Variants in CTNNA3 observed in about 807,000 individuals in gnomAD.
The protein encoded by CTNNA3 is catenin alpha 3.
In CTNNA3, 76 loss-of-function variants were observed where a neutral mutation model predicts 95.7. The ratio of observed to expected loss-of-function variants is 0.79; its 90% CI spans 0.66 to 0.96. The LOEUF (loss-of-function observed/expected upper bound fraction) is 0.96, where lower values mean the gene tolerates loss of function less well. CTNNA3 is among the 40% of genes least tolerant of loss of function. The pLI is 0.00. For synonymous variants in CTNNA3, 431 were observed against 374.4 expected, an observed-to-expected ratio of 1.15 and a Z score of -1.74; for missense variants, 1,191 against 1,089.8, an observed-to-expected ratio of 1.09 and a Z score of -1.31.
chr10:67,376,830 G>A (rs972570384), intron 5 of CTNNA3, among the ~76,000 whole-genome samples: 19 of 152,158 alleles, frequency 1.2e-4, no homozygotes, highest in Admixed American at 4.6e-4. Context: ...AATCTCAATT[G>A]CTGCAGGAAA....
At chr10:66,018,814 A>G (rs1024139616) in intron 15 of CTNNA3, among the ~76,000 whole-genome samples, 1 of 152,144 alleles carries the variant, frequency 6.6e-6, no homozygotes, top group Admixed American at 6.6e-5. Context: ...TTCTTTTTCA[A>G]TAAATGATTC....
chr10:65,928,314 T>C (rs1356850219), intron 17 of CTNNA3, among the ~76,000 whole-genome samples: 1 of 152,192 alleles, frequency 6.6e-6, no homozygotes, highest in Non-Finnish European at 1.5e-5. Context: ...TGTTTGGCTC[T>C]ATTTCTGCTT....
intron 7 of CTNNA3, among the ~76,000 whole-genome samples, chr10:66,840,372 T>TCTCTCTCTCTCACA (rs1843023433): frequency 1.4e-5 from 1 of 71,330 alleles, no homozygotes; most frequent in East Asian, 4.3e-4. Flanking sequence ...TCTCTCTCTC[T>TCTCTCTCTCTCACA]CACACACACA....
chr10:66,710,653 T>G (rs975316009), intron 9 of CTNNA3, among the ~76,000 whole-genome samples: 4 of 151,912 alleles, frequency 2.6e-5, no homozygotes, highest in African/African-American at 9.7e-5. Flanking sequence ...CCTAAAGCAT[T>G]CATAATTATA....
At chr10:66,251,792 G>A (rs1589855185) in intron 13 of CTNNA3, among the ~76,000 whole-genome samples, 1 of 152,112 alleles carries the variant, frequency 6.6e-6, no homozygotes, top group East Asian at 1.9e-4. Context: ...TAACTATTAA[G>A]TATTTAATTT....
intron 11 of CTNNA3, among the ~76,000 whole-genome samples, chr10:66,464,510 C>A (rs184161136): frequency 6.6e-6 from 1 of 152,062 alleles, no homozygotes; most frequent in Admixed American, 6.6e-5. Context: ...CACCTATAAT[C>A]GCAGCACTTT....
At chr10:67,437,699 G>A (rs1364682855) in intron 5 of CTNNA3, among the ~76,000 whole-genome samples, 1 of 151,710 alleles carries the variant, frequency 6.6e-6, no homozygotes, top group African/African-American at 2.4e-5. Context: ...AATATTCTTA[G>A]ATATTTTTAA....
At chr10:67,151,988 T>C (rs1182545029) in intron 7 of CTNNA3, among the ~76,000 whole-genome samples, 1 of 152,252 alleles carries the variant, frequency 6.6e-6, no homozygotes, top group Non-Finnish European at 1.5e-5. Flanking sequence ...AAGCCACTAG[T>C]TGACAATTGT....
At chr10:66,321,358 C>G (rs2092182812) in intron 12 of CTNNA3, among the ~76,000 whole-genome samples, 2 of 151,902 alleles carry the variant, frequency 1.3e-5, no homozygotes, top group Admixed American at 6.6e-5. Context: ...AAATTTATAC[C>G]TTAGGGGGCT....
chr10:66,256,010 T>C (rs1408705685), intron 13 of CTNNA3, among the ~76,000 whole-genome samples: 2 of 152,172 alleles, frequency 1.3e-5, no homozygotes, highest in Non-Finnish European at 2.9e-5. Context: ...AATGATAATA[T>C]AGCCAGGGAA....
intron 7 of CTNNA3, among the ~76,000 whole-genome samples, chr10:66,950,865 C>A (rs1405762061): frequency 6.6e-6 from 1 of 152,074 alleles, no homozygotes; most frequent in African/African-American, 2.4e-5. Flanking sequence ...TTGGTCTTAA[C>A]CCATTTTATA....
At chr10:67,074,879 A>G (rs949306566) in intron 7 of CTNNA3, among the ~76,000 whole-genome samples, 6 of 152,186 alleles carry the variant, frequency 3.9e-5, no homozygotes, top group Non-Finnish European at 7.3e-5. Context: ...CACATTTGAG[A>G]ATCAAGCTAC....
chr10:67,128,017 C>T (rs1314028325), intron 7 of CTNNA3, among the ~76,000 whole-genome samples: 1 of 152,144 alleles, frequency 6.6e-6, no homozygotes, highest in Non-Finnish European at 1.5e-5. Flanking sequence ...GCAAATGACA[C>T]TAACCAATAG....
intron 5 of CTNNA3, among the ~76,000 whole-genome samples, chr10:67,457,491 T>C (rs1167579326): frequency 6.6e-6 from 1 of 152,226 alleles, no homozygotes; most frequent in Non-Finnish European, 1.5e-5. Flanking sequence ...GACGCAGTTC[T>C]TTCATTCATC....
At chr10:66,527,688 G>A (rs942014156) in intron 10 of CTNNA3, among the ~76,000 whole-genome samples, 7 of 151,874 alleles carry the variant, frequency 4.6e-5, no homozygotes, top group African/African-American at 1.7e-4. Flanking sequence ...ATTTCATTTC[G>A]TATGATGCTA....
At chr10:66,338,669 G>A (rs1417975713) in intron 12 of CTNNA3, among the ~76,000 whole-genome samples, 2 of 151,812 alleles carry the variant, frequency 1.3e-5, no homozygotes, top group African/African-American at 4.8e-5. Context: ...AAAGAGCAAG[G>A]AAGGATGAGA....
chr10:67,734,159 CAA>C (rs1841290412), intron 1 of CTNNA3, among the ~76,000 whole-genome samples: 1 of 152,072 alleles, frequency 6.6e-6, no homozygotes, highest in Non-Finnish European at 1.5e-5. Context: ...GGCCAGTCAA[CAA>C]AATTACCATA....
chr10:66,490,641 C>T (rs1419043021), intron 11 of CTNNA3, among the ~76,000 whole-genome samples: 12 of 152,144 alleles, frequency 7.9e-5, no homozygotes, highest in Admixed American at 7.9e-4. Context: ...GGGCAGTTCT[C>T]AAATGTGTCA....
chr10:66,825,205 T>C (rs1842458105), intron 7 of CTNNA3, among the ~76,000 whole-genome samples: 1 of 148,094 alleles, frequency 6.8e-6, no homozygotes, highest in East Asian at 1.9e-4. Flanking sequence ...AATACATATA[T>C]ATTTTAAGAT....
Sources: allele counts gnomAD v4.1 joint callset (sites outside exome capture counted in the v4.1 genomes callset), GRCh38; gene constraint gnomAD v4.1.1; transcripts MANE v1.5; gene names NCBI Gene and HGNC (gene_info 2026-07-23, HGNC 2026-07-21).